The following PCBP3 variants were observed in gnomAD, a reference collection of about 807,000 sequenced individuals.
PCBP3 encodes poly(rC)-binding protein 3.
PCBP3 carries 25 observed loss-of-function variants against 52.7 expected under a neutral mutation model. The ratio of observed to expected loss-of-function variants is 0.47; its 90% CI spans 0.35 to 0.66. PCBP3 has a LOEUF of 0.66. Among genes scored for constraint, PCBP3 ranks in the 30% least tolerant of loss-of-function variants. The probability of loss-of-function intolerance (pLI) is 0.01; values close to 1 mark genes in which losing one functional copy is unlikely to be tolerated. For synonymous variants in PCBP3, 162 were observed against 183.0 expected, an observed-to-expected ratio of 0.89 and a Z score of 0.93; for missense variants, 391 against 490.3, an observed-to-expected ratio of 0.80 and a Z score of 1.91.
intron 5 of PCBP3, among the ~76,000 whole-genome samples, chr21:45,878,834 A>G (rs1366479038): frequency 1.3e-5 from 2 of 152,240 alleles, no homozygotes. Context: ...CAGCTGGGAA[A>G]TGAGCAACAC....
intron 5 of PCBP3, among the ~76,000 whole-genome samples, chr21:45,889,085 G>A (rs565676254): frequency 7.2e-5 from 11 of 152,210 alleles, no homozygotes; most frequent in African/African-American, 2.2e-4. Context: ...GTTCTGGCCC[G>A]TGCACTGTTG....
At chr21:45,897,249 G>A (rs528571092) in intron 6 of PCBP3, among the ~76,000 whole-genome samples, 3 of 152,348 alleles carry the variant, frequency 2.0e-5, no homozygotes, top group East Asian at 1.9e-4. Context: ...GCACCCACAC[G>A]GATGCGTTCC....
chr21:45,752,692 T>C (rs1417448003), intron 3 of PCBP3, among the ~76,000 whole-genome samples: 3 of 152,030 alleles, frequency 2.0e-5, no homozygotes, highest in African/African-American at 7.2e-5. Flanking sequence ...GACCAGGTGA[T>C]CTCTGTGTTT....
chr21:45,795,281 AGG>A (rs2091862541), intron 4 of PCBP3, among the ~76,000 whole-genome samples: 1 of 151,586 alleles, frequency 6.6e-6, no homozygotes, highest in South Asian at 2.1e-4. Context: ...TCTTTTTGGA[AGG>A]GGACACAGAG....
At chr21:45,909,594 C>G in intron 10 of PCBP3, 108 bp downstream of exon 10, 7 of 1,128,234 alleles carry the variant, frequency 6.2e-6, no homozygotes, top group Non-Finnish European at 8.8e-6. Context: ...TGTCTGCAAG[C>G]CCAATGCTGG....
At chr21:45,695,821 G>T (rs1229225894) in intron 2 of PCBP3, among the ~76,000 whole-genome samples, 2 of 152,026 alleles carry the variant, frequency 1.3e-5, no homozygotes, top group East Asian at 1.9e-4. Context: ...TGGCTCACGT[G>T]TGTAATCCCA....
chr21:45,789,054 C>A (rs775637565), intron 4 of PCBP3, among the ~76,000 whole-genome samples: 2 of 152,226 alleles, frequency 1.3e-5, no homozygotes, highest in Non-Finnish European at 2.9e-5. Flanking sequence ...GAGTGCACAT[C>A]AATGGCTGTG....
chr21:45,745,374 G>A (rs926778633), intron 3 of PCBP3, among the ~76,000 whole-genome samples: 15 of 152,160 alleles, frequency 9.9e-5, no homozygotes, highest in African/African-American at 3.6e-4. Flanking sequence ...AGATGCTCTC[G>A]TTGACATCAG....
intron 5 of PCBP3, among the ~76,000 whole-genome samples, chr21:45,865,216 C>G (rs549534792): frequency 1.3e-5 from 2 of 152,306 alleles, no homozygotes; most frequent in Non-Finnish European, 2.9e-5. Context: ...ACGTGTATCC[C>G]AGAACTTGGC....
At chr21:45,855,176 C>G (rs887785070) in intron 5 of PCBP3, among the ~76,000 whole-genome samples, 1 of 152,198 alleles carries the variant, frequency 6.6e-6, no homozygotes, top group Admixed American at 6.5e-5. Context: ...TCTCTCTCTG[C>G]GCTTTCCCAC....
At chr21:45,723,613 A>G (rs2084820170) in intron 2 of PCBP3, among the ~76,000 whole-genome samples, 1 of 152,104 alleles carries the variant, frequency 6.6e-6, no homozygotes, top group Non-Finnish European at 1.5e-5. Context: ...TACCTGAAGT[A>G]TGATCTATCT....
chr21:45,686,288 G>A (rs1256837380), intron 2 of PCBP3, among the ~76,000 whole-genome samples: 11 of 152,154 alleles, frequency 7.2e-5, no homozygotes, highest in African/African-American at 1.9e-4. Context: ...CCAGAATGGA[G>A]CATCCCTCCT....
rs530604948 is a variant in PCBP3, at chr21:45,791,737, G to C, written c.-126+36285G>C. Among the ~76,000 whole-genome samples, 1 of 152,220 alleles carries C rather than the reference G, an allele frequency of 6.6e-6. No homozygotes were observed. Among genetic ancestry groups the C allele is most frequent in the South Asian group, 2.1e-4 (1 of 4,834 alleles). The stretch of plus-strand genomic sequence containing the variant: ...AGAATAGTACTACTTGGTTTCCCTG[G>C]TAACTGCCAACCGCTTGACTGACTG... On this transcript the variant is annotated intron_variant, in intron 4 of 17. Transcript: ENST00000681687. The surrounding 1 kb of genome is among the most constrained non-coding windows in gnomAD (Gnocchi z 4.2).
chr21:45,801,472 G>T (rs972837414), intron 4 of PCBP3, among the ~76,000 whole-genome samples: 10 of 152,238 alleles, frequency 6.6e-5, no homozygotes, highest in African/African-American at 2.4e-4. Context: ...GACACACTCA[G>T]GTTCCATGGC....
intron 2 of PCBP3, among the ~76,000 whole-genome samples, chr21:45,717,537 T>C (rs2084309091): frequency 6.6e-6 from 1 of 152,208 alleles, no homozygotes; most frequent in Admixed American, 6.5e-5. Flanking sequence ...AGTGTTTTTA[T>C]CATTAGATAT....
At chr21:45,899,644 GCCTCT>G (rs750842784) in intron 7 of PCBP3, 22 bp downstream of exon 7, 19 of 1,592,786 alleles carry the variant, frequency 1.2e-5, no homozygotes, top group Non-Finnish European at 1.6e-5. Flanking sequence ...TTGAATCTCT[GCCTCT>G]CCTGGGGTCT....
At chr21:45,883,794 T>C (rs1295745889) in intron 5 of PCBP3, among the ~76,000 whole-genome samples, 5 of 152,216 alleles carry the variant, frequency 3.3e-5, no homozygotes, top group African/African-American at 7.2e-5. Flanking sequence ...GAGTTTTCTG[T>C]AGACAGCATA....
At chr21:45,700,370 C>T (rs1023227531) in intron 2 of PCBP3, among the ~76,000 whole-genome samples, 6 of 152,274 alleles carry the variant, frequency 3.9e-5, no homozygotes, top group Non-Finnish European at 7.4e-5. Flanking sequence ...TGAAAGGGAA[C>T]GCATTAATCA....
At chr21:45,922,071 C>G (rs556021052) in intron 13 of PCBP3, among the ~76,000 whole-genome samples, 3 of 152,298 alleles carry the variant, frequency 2.0e-5, no homozygotes, top group East Asian at 3.9e-4. Flanking sequence ...CTGGGTCAGA[C>G]CAAGTGCAGT....
Sources: allele counts gnomAD v4.1 joint callset (sites outside exome capture counted in the v4.1 genomes callset), GRCh38; gene constraint gnomAD v4.1.1; non-coding constraint Gnocchi (gnomAD v3.1); transcripts MANE v1.5; gene names NCBI Gene and HGNC (gene_info 2026-07-23, HGNC 2026-07-21).